SCAMP4: variants seen among roughly 807,000 people sequenced by gnomAD.
SCAMP4 encodes secretory carrier membrane protein 4.
A neutral mutation model predicts 32.1 loss-of-function variants in SCAMP4; 19 were observed. That is an observed-to-expected ratio of 0.59 (90% confidence interval 0.41 to 0.87). The LOEUF (loss-of-function observed/expected upper bound fraction) is 0.87. SCAMP4 is among the 40% of genes least tolerant of loss of function. The pLI is 0.00. For missense variants in SCAMP4, 302 were observed against 309.0 expected, an observed-to-expected ratio of 0.98 and a Z score of 0.17; for synonymous variants, 152 against 132.7, an observed-to-expected ratio of 1.15 and a Z score of -1.00.
At position 1,923,288 on chromosome 19, in the gene SCAMP4, C is replaced by A. The variant is rs1223620104; in HGVS notation, c.513+101C>A. On this transcript the variant is annotated intron_variant, in intron 6 of 6. Transcript: ENST00000316097. The stretch of plus-strand genomic sequence containing the variant: ...TGAACGTCGAGGAGCCGGGCCCTCT[C>A]CCCACGGTGTCACGCAGGCCGCACT... 4.0e-6 allele frequency: 4 copies of A among 1,004,758 alleles called. No individual in the cohort carries two copies. The African/African-American group carries it at 4.9e-5, about 12-fold the overall frequency. The allele number at this position is 1,004,758 out of a possible 1,614,324, so 62.2% of individuals were successfully genotyped here.
rs751298737 is a variant in SCAMP4, at chr19:1,918,996, CCT to C, written c.395+13_395+14del. On this transcript the variant is annotated splice_region_variant and intron_variant, in intron 5 of 6. Coordinates refer to ENST00000316097, the MANE Select transcript of SCAMP4 (RefSeq NM_079834.4). The stretch of plus-strand genomic sequence containing the variant: ...TTCTCCGGCTGGGGCGCGTGGTAAG[CCT>C]CTCTCTGATGGGCGTGGTGGCTGTG... 2.5e-6 allele frequency: 4 copies of C among 1,600,458 alleles called. No individual in the cohort carries two copies. The highest frequency in any genetic ancestry group is 2.3e-5 in the East Asian group (1 of 44,318).
At chr19:1,912,224 G>A (rs778590472) in intron 1 of SCAMP4, 2 of 1,595,138 alleles carry the variant, frequency 1.3e-6, no homozygotes, top group South Asian at 1.1e-5. Context: ...TGGAGCTGGT[G>A]CTGGCCTACG....
intron 1 of SCAMP4, among the ~76,000 whole-genome samples, chr19:1,913,730 A>C (rs1471066505): frequency 6.6e-6 from 1 of 152,206 alleles, no homozygotes; most frequent in African/African-American, 2.4e-5. Context: ...GTCCTTCACA[A>C]GTGGCAACAG....
rs139577446 is a variant in SCAMP4 at position 1,923,885 on chromosome 19, G to A, written c.514-223G>A. ...CGTGATCCTCCCGCCTCGGCCTCCC[G>A]AAGTGCTGGGATGACAGGCGTGAGC... On this transcript the variant is annotated intron_variant, in intron 6 of 6. Coordinates refer to ENST00000316097, the MANE Select transcript of SCAMP4 (RefSeq NM_079834.4). 1.8e-3 allele frequency among the ~76,000 whole-genome samples: 209 copies of A among 115,070 alleles called. 10 individuals carry two copies. The highest frequency in any genetic ancestry group is 0.017 in the Middle Eastern group (3 of 180). The allele number at this position is 115,070 out of a possible 152,430, so 75.5% of individuals were successfully genotyped here. A position where few individuals can be genotyped will look rare whatever the true frequency, so the allele number is the denominator to read the frequency against.
At chr19:1,919,904 G>C (rs1025515300) in intron 5 of SCAMP4, among the ~76,000 whole-genome samples, 3 of 150,868 alleles carry the variant, frequency 2.0e-5, no homozygotes, top group Non-Finnish European at 2.9e-5. Context: ...TCACCTCCCA[G>C]GTTCAAGCGA....
chr19:1,907,994 C>G (rs970671539), intron 1 of SCAMP4: 2 of 156,606 alleles, frequency 1.3e-5, no homozygotes, highest in African/African-American at 2.4e-5. Flanking sequence ...TGCAGTGTCC[C>G]GGCAGCTGCC....
chr19:1,913,241 C>T, intron 1 of SCAMP4: 1 of 1,441,114 alleles, frequency 6.9e-7, no homozygotes, highest in Non-Finnish European at 9.1e-7. Flanking sequence ...CCGCACAAGC[C>T]TGACCGTGGA....
At chr19:1,921,923 G>A (rs755575085) in intron 5 of SCAMP4, 37 of 985,384 alleles carry the variant, frequency 3.8e-5, no homozygotes, top group Non-Finnish European at 4.3e-5. Flanking sequence ...GCAGGGACGC[G>A]GCGGGGGGTA....
In SCAMP4 at chr19:1,922,524, T is replaced by C. The variant is rs964583537; in HGVS notation, c.396-546T>C. ...TGCTGGGACGACAGGCGTAAGCCTC[T>C]GCGCCCGGCCTCCTCATTGTTTCTA... On this transcript the variant is annotated intron_variant, in intron 5 of 6. Coordinates refer to ENST00000316097, the MANE Select transcript of SCAMP4 (RefSeq NM_079834.4). The C allele has an allele frequency of 1.5e-4, 151 of 985,330 alleles. 1 individual carries two copies. Among genetic ancestry groups the C allele is most frequent in the African/African-American group, 5.2e-4 (30 of 57,356 alleles). The allele number at this position is 985,330 out of a possible 1,614,324, so 61.0% of individuals were successfully genotyped here.
intron 1 of SCAMP4, chr19:1,906,380 T>G (rs1027494197): frequency 6.6e-6 from 1 of 151,788 alleles, no homozygotes; most frequent in Non-Finnish European, 1.5e-5. Flanking sequence ...AAAAAAAGAT[T>G]TTTTTTTAAT....
chr19:1,915,434 G>A lies in SCAMP4; in HGVS notation c.7+408G>A, dbSNP rs368847966. The A allele has an allele frequency of 9.9e-4, 255 of 256,370 alleles. 1 individual carries two copies. Among genetic ancestry groups the A allele is most frequent in the African/African-American group, 5.2e-3 (233 of 45,134 alleles). The allele number at this position is 256,370 out of a possible 1,614,324, so 15.9% of individuals were successfully genotyped here. A position where few individuals can be genotyped will look rare whatever the true frequency, so the allele number is the denominator to read the frequency against. On this transcript the variant is annotated intron_variant, in intron 2 of 6. Coordinates refer to ENST00000316097, the MANE Select transcript of SCAMP4 (RefSeq NM_079834.4). The stretch of plus-strand genomic sequence containing the variant: ...GACTCCCCATCTGGCCCTCGCAGGC[G>A]CCCAGGGACACTTCCTCAGGCAGTG...
chr19:1,922,834 C>T, intron 5 of SCAMP4: 1 of 1,235,598 alleles, frequency 8.1e-7, no homozygotes, highest in Non-Finnish European at 1.0e-6. Flanking sequence ...AAGTTTGTGT[C>T]CACTGCACAC....
chr19:1,913,987 G>A (rs1389373914), intron 1 of SCAMP4, among the ~76,000 whole-genome samples: 5 of 152,166 alleles, frequency 3.3e-5, no homozygotes, highest in Admixed American at 6.5e-5. Context: ...CCAGGAGCCC[G>A]CCAGGCCTGC....
intron 1 of SCAMP4, chr19:1,913,371 C>A: frequency 4.4e-6 from 3 of 679,368 alleles, no homozygotes. Flanking sequence ...CTGCGGCCGC[C>A]CTTGCTGCGT....
At chr19:1,916,408 C>T (rs996858080) in intron 2 of SCAMP4, among the ~76,000 whole-genome samples, 1 of 152,130 alleles carries the variant, frequency 6.6e-6, no homozygotes, top group African/African-American at 2.4e-5. Flanking sequence ...TCCTGAGACA[C>T]CTTGATCTCA....
At chr19:1,922,331 C>T (rs1212458767) in intron 5 of SCAMP4, 1 of 886,526 alleles carries the variant, frequency 1.1e-6, no homozygotes, top group Non-Finnish European at 1.4e-6. Context: ...ACGATCTCGG[C>T]TCACTGCAGC....
At chr19:1,914,779 G>A (rs905768336) in intron 1 of SCAMP4, among the ~76,000 whole-genome samples, 200 bp from the exon 2 acceptor site, 3 of 152,200 alleles carry the variant, frequency 2.0e-5, no homozygotes, top group Admixed American at 6.5e-5. Flanking sequence ...GCCAGCATGG[G>A]TGGTGTGCAC....
At chr19:1,915,148 T>C in intron 2 of SCAMP4, 122 bp downstream of exon 2, 2 of 1,194,640 alleles carry the variant, frequency 1.7e-6, no homozygotes, top group Non-Finnish European at 1.2e-6. Flanking sequence ...ACCTGGCCTC[T>C]GACTCCTCGG....
At chr19:1,918,819 C>T (rs1026405344) in intron 4 of SCAMP4, 70 bp from the exon 5 acceptor site, 40 of 1,550,716 alleles carry the variant, frequency 2.6e-5, no homozygotes, top group Non-Finnish European at 2.6e-6. Context: ...CTGACTGGCC[C>T]GTTCCTCTCT....
Sources: gnomAD v4.1 joint callset for allele counts (sites outside exome capture counted in the v4.1 genomes callset) on GRCh38, gnomAD v4.1.1 for gene constraint, MANE v1.5 for transcripts, NCBI Gene and HGNC (gene_info 2026-07-23, HGNC 2026-07-21) for gene names.